The following SNX4 variants were observed in gnomAD, a reference collection of about 807,000 sequenced individuals.
SNX4 encodes the protein sorting nexin-4.
SNX4 carries 49 observed loss-of-function variants against 70.8 expected under a neutral mutation model. The observed-to-expected ratio is 0.69, with a 90% CI of 0.55 to 0.88. The LOEUF (loss-of-function observed/expected upper bound fraction) is 0.88. Ranked by LOEUF, SNX4 falls within the 40% of genes least tolerant of loss-of-function variation. The pLI is 0.00. For missense variants in SNX4, 528 were observed against 544.8 expected, an observed-to-expected ratio of 0.97 and a Z score of 0.31; for synonymous variants, 206 against 183.8, an observed-to-expected ratio of 1.12 and a Z score of -0.98.
chr3:125,475,153 G>A (rs1934262183), intron 8 of SNX4, among the ~76,000 whole-genome samples: 2 of 151,990 alleles, frequency 1.3e-5, no homozygotes, highest in Admixed American at 6.6e-5. Context: ...ATATAACCTT[G>A]ATCTGTCTCA....
intron 1 of SNX4, among the ~76,000 whole-genome samples, chr3:125,514,243 T>G (rs923412897): frequency 5.7e-4 from 86 of 152,168 alleles, no homozygotes; most frequent in African/African-American, 2.1e-3. Context: ...TGTGCTTTTT[T>G]CTATAAAAAT....
chr3:125,503,868 C>T (rs144528085), intron 2 of SNX4, among the ~76,000 whole-genome samples: 40 of 152,232 alleles, frequency 2.6e-4, no homozygotes, highest in Middle Eastern at 3.4e-3. Context: ...CCAAGAGTAT[C>T]ACAGCAAAAG....
chr3:125,470,781 C>G (rs1333288989), intron 8 of SNX4, among the ~76,000 whole-genome samples: 3 of 152,172 alleles, frequency 2.0e-5, no homozygotes, highest in Non-Finnish European at 4.4e-5. Flanking sequence ...TAGCCCCAAA[C>G]AGGTCTGTGC....
At chr3:125,466,426 C>A (rs1934021665) in intron 9 of SNX4, among the ~76,000 whole-genome samples, 1 of 150,860 alleles carries the variant, frequency 6.6e-6, no homozygotes, top group South Asian at 2.1e-4. Context: ...ACTCCAAAAG[C>A]AATTGCAACA....
At chr3:125,502,811 G>A (rs1332718709) in intron 2 of SNX4, among the ~76,000 whole-genome samples, 2 of 131,426 alleles carry the variant, frequency 1.5e-5, no homozygotes, top group African/African-American at 6.0e-5. Context: ...CCGAGATCGC[G>A]CCACCGCACT....
intron 9 of SNX4, among the ~76,000 whole-genome samples, chr3:125,467,781 C>T (rs1232298445): frequency 6.6e-6 from 1 of 152,164 alleles, no homozygotes; most frequent in Non-Finnish European, 1.5e-5. Flanking sequence ...GGAACACACA[C>T]TGCTGTTGGG....
intron 6 of SNX4, among the ~76,000 whole-genome samples, chr3:125,486,750 C>A (rs895448863): frequency 5.9e-5 from 9 of 152,194 alleles, no homozygotes; most frequent in Admixed American, 5.2e-4. Flanking sequence ...TTGGGCACAT[C>A]TCTTTTAAGA....
intron 7 of SNX4, among the ~76,000 whole-genome samples, chr3:125,477,972 A>G (rs1579989138): frequency 6.6e-6 from 1 of 152,094 alleles, no homozygotes; most frequent in East Asian, 1.9e-4. Context: ...TCATAGTCCT[A>G]CTCCTACTTG....
At chr3:125,495,277 T>C (rs7638726) in intron 5 of SNX4, among the ~76,000 whole-genome samples, 7,222 of 99,496 alleles carry the variant, frequency 0.073, 800 homozygotes, top group African/African-American at 0.18. Flanking sequence ...TATATATATA[T>C]ACACATACAC....
At chr3:125,476,418 A>G (rs998261393) in intron 8 of SNX4, among the ~76,000 whole-genome samples, 1 of 151,826 alleles carries the variant, frequency 6.6e-6, no homozygotes, top group Non-Finnish European at 1.5e-5. Flanking sequence ...CTAAAAATAC[A>G]AAATTAGCCC....
chr3:125,490,317 G>A (rs1228677380), intron 5 of SNX4, among the ~76,000 whole-genome samples: 2 of 151,822 alleles, frequency 1.3e-5, no homozygotes, highest in Admixed American at 6.6e-5. Context: ...GGCGGAGCAC[G>A]AGGTCAGGAG....
chr3:125,510,098 A>T (rs1935138616), intron 1 of SNX4, among the ~76,000 whole-genome samples: 2 of 152,280 alleles, frequency 1.3e-5, no homozygotes, highest in Admixed American at 1.3e-4. Context: ...CAGCAATTCC[A>T]TTTCTGCCTA....
At position 125,467,586 on chromosome 3, in the gene SNX4, C is replaced by T. The variant is rs371727209; in HGVS notation, c.854+1868G>A. On this transcript the variant is annotated intron_variant, in intron 9 of 13. Transcript: ENST00000251775. ...TGGTTATTATTATTATTTTTTTTAA[C>T]TTAAATAACAGAGACTTGTTCTTGC... Among the ~76,000 whole-genome samples the T allele has an allele frequency of 4.6e-5, 7 of 151,570 alleles. No homozygotes were observed. The East Asian group carries it at 1.3e-3, about 29-fold the overall frequency.
chr3:125,515,613 C>T (rs1225621180), intron 1 of SNX4, among the ~76,000 whole-genome samples: 1 of 145,726 alleles, frequency 6.9e-6, no homozygotes, highest in African/African-American at 2.5e-5. Flanking sequence ...TGCAGTGAGC[C>T]ATGATCATGC....
intron 13 of SNX4, among the ~76,000 whole-genome samples, chr3:125,448,320 A>G (rs1488574041): frequency 6.7e-6 from 1 of 149,816 alleles, no homozygotes; most frequent in Non-Finnish European, 1.5e-5. Context: ...TTTTTTGTAG[A>G]AATGGAATCT....
At chr3:125,510,573 C>T (rs1935148764) in intron 1 of SNX4, among the ~76,000 whole-genome samples, 2 of 152,128 alleles carry the variant, frequency 1.3e-5, no homozygotes, top group Admixed American at 1.3e-4. Flanking sequence ...AATGGAATAC[C>T]ATTCATCCTT....
At chr3:125,455,411 G>A (rs1579972323) in intron 11 of SNX4, among the ~76,000 whole-genome samples, 1 of 152,240 alleles carries the variant, frequency 6.6e-6, no homozygotes, top group Admixed American at 6.5e-5. Flanking sequence ...ATAACTCAAC[G>A]CTCAAACTTG....
chr3:125,467,199 C>A (rs1934046718), intron 9 of SNX4, among the ~76,000 whole-genome samples: 2 of 151,762 alleles, frequency 1.3e-5, no homozygotes, highest in African/African-American at 4.8e-5. Context: ...CCAGTCTGGC[C>A]AAAATGGCAA....
chr3:125,499,987 G>A (rs950148233), intron 2 of SNX4, among the ~76,000 whole-genome samples: 2 of 151,884 alleles, frequency 1.3e-5, no homozygotes, highest in Non-Finnish European at 2.9e-5. Context: ...TTGAACCCGG[G>A]AGGCAGAGGT....
Sources: gnomAD v4.1 joint callset for allele counts (sites outside exome capture counted in the v4.1 genomes callset) on GRCh38, gnomAD v4.1.1 for gene constraint, MANE v1.5 for transcripts, NCBI Gene and HGNC (gene_info 2026-07-23, HGNC 2026-07-21) for gene names.